The following B9D2 variants were observed in gnomAD, a reference collection of about 807,000 sequenced individuals.
The protein encoded by B9D2 is B9 domain-containing protein 2.
In B9D2, 21 loss-of-function variants were observed where a neutral mutation model predicts 19.2. The observed-to-expected ratio is 1.09, with a 90% CI of 0.78 to 1.58. B9D2 has a LOEUF of 1.58. Ranked by LOEUF, B9D2 falls within the 40% of genes most tolerant of loss-of-function variation. The pLI, the probability that B9D2 is intolerant of heterozygous loss-of-function variation, is 0.00. For missense variants in B9D2, 221 were observed against 244.3 expected (o/e 0.90, Z 0.64); for synonymous variants, 91 against 100.6 (o/e 0.90, Z 0.57).
At chr19:41,355,096 G>C in intron 3 of B9D2, 83 bp from the exon 4 acceptor site, 2 of 1,336,022 alleles carry the variant, frequency 1.5e-6, no homozygotes, top group Non-Finnish European at 1.0e-6. Context: ...ATACTCACTG[G>C]AGACCCCAGG....
intron 3 of B9D2, 76 bp from the exon 4 acceptor site, chr19:41,355,089 C>G (rs2038290821): frequency 2.2e-6 from 3 of 1,367,288 alleles, no homozygotes; most frequent in Non-Finnish European, 2.9e-6. Flanking sequence ...CTCCCTGATA[C>G]TCACTGGAGA....
Position 41,354,570 on chromosome 19 carries a change from A to G in B9D2, c.*130T>C, listed in dbSNP as rs1274535077. Reference sequence around the variant, plus strand: ...ACCCCGAGGTCCTAGAAAGGACAGAAGCGGTGCCATGCCTTAGCTGGGGTC... The same window carrying G: ...ACCCCGAGGTCCTAGAAAGGACAGAGGCGGTGCCATGCCTTAGCTGGGGTC... On this transcript the variant is annotated 3_prime_UTR_variant, in exon 4 of 4. Transcript: ENST00000243578. 5.6e-6 allele frequency: 7 copies of G among 1,239,578 alleles called. No homozygotes were observed. Among genetic ancestry groups the G allele is most frequent in the Middle Eastern group, 2.3e-4 (1 of 4,372 alleles). The allele number at this position is 1,239,578 out of a possible 1,614,324, so 76.8% of individuals were successfully genotyped here. A position where few individuals can be genotyped will look rare whatever the true frequency, so the allele number is the denominator to read the frequency against.
Position 41,354,791 on chromosome 19 carries a change from C to A in B9D2, c.437G>T (p.Arg146Leu), listed in dbSNP as rs756283767. 1 of 1,613,968 alleles carries A rather than the reference C, an allele frequency of 6.2e-7. No individual in the cohort carries two copies. Among genetic ancestry groups the A allele is most frequent in the Non-Finnish European group, 8.5e-7 (1 of 1,180,020 alleles). Residue 146 changes from arginine (R) to leucine (L), a missense_variant, in exon 4 of 4, where the codon CGC (arginine) becomes CTC (leucine). Arg to Leu is a moderately radical substitution (Grantham distance 102). Coordinates refer to ENST00000243578, the MANE Select transcript of B9D2 (RefSeq NM_030578.4). ...HGDTIYSGAD[R>L]YRLHTAAGGT... ...ACCAGCAGCTGTGTGCAGGCGATAG[C>A]GGTCGGCCCCACTGTAGATGGTGTC...
Position 41,363,349 on chromosome 19 carries a change from C to A in B9D2, c.88+83G>T, listed in dbSNP as rs531875256. 4 of 1,375,242 alleles carry A rather than the reference C, an allele frequency of 2.9e-6. No individual in the cohort carries two copies. In the Admixed American group the frequency reaches 5.2e-5, roughly 18 times the overall value. 85.2% of individuals were successfully genotyped at this position (1,375,242 alleles called of 1,614,324 possible). A position where few individuals can be genotyped will look rare whatever the true frequency, so the allele number is the denominator to read the frequency against. The stretch of plus-strand genomic sequence containing the variant: ...AACTGATGGAAATGAGGTTAAGAGT[C>A]TGCGTTAAGGGGTGGAGGAAGGAGC... On this transcript the variant is annotated intron_variant, in intron 2 of 3. Transcript: ENST00000243578.
At chr19:41,359,850 C>A (rs573225936) in intron 2 of B9D2, among the ~76,000 whole-genome samples, 1 of 152,112 alleles carries the variant, frequency 6.6e-6, no homozygotes, top group Non-Finnish European at 1.5e-5. Context: ...AGACCCTCCA[C>A]CATGGCCCAC....
Position 41,363,477 on chromosome 19 carries a change from C to G in B9D2, c.43G>C (p.Gly15Arg), listed in dbSNP as rs1294679208. 1.9e-6 allele frequency: 3 copies of G among 1,613,994 alleles called. No individual in the cohort carries two copies. In the Admixed American group the frequency reaches 5.0e-5, roughly 27 times the overall value. The change falls in exon 2 of 4, where the codon GGT becomes CGT. Residue 15 changes from glycine (G) to arginine (R), a missense_variant. By Grantham distance (125) the Gly-to-Arg change is moderately radical (BLOSUM62 -2). Coordinates refer to ENST00000243578, the MANE Select transcript of B9D2 (RefSeq NM_030578.4). ...CAGAAGAGGCTACTTTCCGAGAAAC[C>G]GCTGGCCCCTATGATCTGCCCGATC... ...HVIGQIIGAS[G>R]FSESSLFCKW...
At chr19:41,355,539 C>T (rs2038299667) in intron 3 of B9D2, among the ~76,000 whole-genome samples, 1 of 152,184 alleles carries the variant, frequency 6.6e-6, no homozygotes, top group African/African-American at 2.4e-5. Context: ...CCTTCCATAG[C>T]TTTGCCCATG....
At chr19:41,355,869 GT>G (rs1244019206) in intron 3 of B9D2, among the ~76,000 whole-genome samples, 1 of 152,232 alleles carries the variant, frequency 6.6e-6, no homozygotes, top group Non-Finnish European at 1.5e-5. Context: ...CATTAAGAAG[GT>G]GACATTTGAG....
In B9D2 at chr19:41,364,131, G is replaced by C. The variant is rs953713992; in HGVS notation, c.-178C>G. 7 of 164,128 alleles carry C rather than the reference G, an allele frequency of 4.3e-5. No homozygotes were observed. Among genetic ancestry groups the C allele is most frequent in the African/African-American group, 1.7e-4 (7 of 41,550 alleles). The allele number at this position is 164,128 out of a possible 1,614,324, so 10.2% of individuals were successfully genotyped here. ...ATACTTCCGCGACCGCGCTCGTCTT[G>C]GTTTCCGTGGTTGTTGCTGGGGCAA... On this transcript the variant is annotated 5_prime_UTR_variant, in exon 1 of 4. Transcript: ENST00000243578.
intron 3 of B9D2, among the ~76,000 whole-genome samples, chr19:41,357,637 C>T (rs1210393810): frequency 6.6e-6 from 1 of 151,920 alleles, no homozygotes; most frequent in African/African-American, 2.4e-5. Flanking sequence ...TGAATGCCAC[C>T]TCCCCTCCCA....
rs372716136 is a variant in B9D2 at position 41,357,984 on chromosome 19, G to A, written c.127C>T (p.Gln43Ter). Reference protein sequence around the residue: ...WKLLSGVREGQTQVDTPQIGD... With the variant: ...WKLLSGVREG ...ATCTGCGGGGTGTCCACTTGCGTTT[G>A]GCCCTCCCGCACGCCTGACAGGAGC... The change falls in exon 3 of 4, where the codon CAA (glutamine) becomes TAA (stop). Residue 43 changes from glutamine to a stop codon, truncating the protein, a stop_gained. Transcript: ENST00000243578. LOFTEE classifies it high-confidence loss of function. 6.2e-7 allele frequency: 1 copy of A among 1,614,136 alleles called. No individual in the cohort carries two copies. The highest frequency in any genetic ancestry group is 1.7e-5 in the Admixed American group (1 of 60,008).
At chr19:41,362,060 C>T (rs1222386790) in intron 2 of B9D2, among the ~76,000 whole-genome samples, 1 of 81,506 alleles carries the variant, frequency 1.2e-5, no homozygotes, top group Non-Finnish European at 2.2e-5. Context: ...AGCTTGGCTA[C>T]AGAGTGAGAC....
rs562301450 is a variant in B9D2 at position 41,356,681 on chromosome 19, T to TTA, written c.214+1215_214+1216insTA. On this transcript the variant is annotated intron_variant, in intron 3 of 3. Coordinates refer to ENST00000243578, the MANE Select transcript of B9D2 (RefSeq NM_030578.4). ...CACCTTGGTGAAACGCCATCTCTAT[T>TTA]AAAAAAAAAAAAGGCAAAAATTAGC... is the stretch of plus-strand genomic sequence containing the variant. Among the ~76,000 whole-genome samples the TTA allele has an allele frequency of 6.1e-3, 866 of 142,876 alleles. 10 individuals carry two copies. The highest frequency in any genetic ancestry group is 0.021 in the African/African-American group (817 of 38,986). 93.7% of individuals were successfully genotyped at this position (142,876 alleles called of 152,430 possible).
At chr19:41,362,371 C>CA (rs777325237) in intron 2 of B9D2, among the ~76,000 whole-genome samples, 30,399 of 57,644 alleles carry the variant, frequency 0.53, 7,853 homozygotes, top group Non-Finnish European at 0.6. Flanking sequence ...GAACGAGTCT[C>CA]AAAAAAAAAA....
At chr19:41,358,670 A>G (rs1018214256) in intron 2 of B9D2, among the ~76,000 whole-genome samples, 1 of 152,142 alleles carries the variant, frequency 6.6e-6, no homozygotes, top group African/African-American at 2.4e-5. Flanking sequence ...TGAAACACAC[A>G]TAACAATTTC....
intron 3 of B9D2, among the ~76,000 whole-genome samples, 175 bp downstream of exon 3, chr19:41,357,722 T>C (rs2038337024): frequency 1.4e-5 from 2 of 144,284 alleles, no homozygotes; most frequent in African/African-American, 5.0e-5. Context: ...GGATCGCCTA[T>C]TGAGCAGGCC....
intron 3 of B9D2, among the ~76,000 whole-genome samples, chr19:41,355,608 C>T (rs763028921): frequency 2.6e-5 from 4 of 152,208 alleles, no homozygotes; most frequent in Admixed American, 1.3e-4. Flanking sequence ...AGATCCAGCC[C>T]CATCTCATCT....
rs749813956 is a variant in B9D2, at chr19:41,354,800, C to G, written c.428G>C (p.Gly143Ala). ...TGTGTGCAGGCGATAGCGGTCGGCC[C>G]CACTGTAGATGGTGTCCCCATGCAG... ...QLLHGDTIYS[G>A]ADRYRLHTAA... The change falls in exon 4 of 4, where the codon GGG (glycine) becomes GCG (alanine). Residue 143 changes from glycine (G) to alanine (A), a missense_variant. Coordinates refer to ENST00000243578, the MANE Select transcript of B9D2 (RefSeq NM_030578.4). 5.6e-6 allele frequency: 9 copies of G among 1,613,914 alleles called. No individual in the cohort carries two copies. The East Asian group carries it at 2.0e-4, about 36-fold the overall frequency.
Position 41,354,718 on chromosome 19 carries a change from G to A in B9D2, c.510C>T (p.Arg170=), listed in dbSNP as rs1285590502. The change falls in exon 4 of 4, where the codon CGC becomes CGT. Residue 170 remains arginine, a synonymous_variant. Transcript: ENST00000243578. The part of the protein sequence containing the change: ...EIGLLLRNFD[R]YGVEC ...GAGTCCCTCAGCACTCCACGCCGTA[G>A]CGGTCGAAGTTGCGGAGCAGCAGGC... The A allele has an allele frequency of 1.2e-6, 2 of 1,614,070 alleles. No homozygotes were observed. The highest frequency in any genetic ancestry group is 1.7e-6 in the Non-Finnish European group (2 of 1,180,028).
Sources: allele counts gnomAD v4.1 joint callset (sites outside exome capture counted in the v4.1 genomes callset), GRCh38; gene constraint gnomAD v4.1.1; transcripts MANE v1.5; gene names NCBI Gene and HGNC (gene_info 2026-07-23, HGNC 2026-07-21).